Variants in WFDC1 observed in about 807,000 individuals in gnomAD.
The protein encoded by WFDC1 is WAP four-disulfide core domain 1, also known as WAP four-disulfide core domain protein 1.
In WFDC1, 39 loss-of-function variants were observed where a neutral mutation model predicts 32.9. The ratio of observed to expected loss-of-function variants is 1.19; its 90% CI spans 0.92 to 1.55. The LOEUF (loss-of-function observed/expected upper bound fraction) is 1.55, where lower values mean the gene tolerates loss of function less well. Among genes scored for constraint, WFDC1 ranks in the 40% most tolerant of loss-of-function variants. WFDC1 has a pLI of 0.00. For missense variants in WFDC1, 386 were observed against 309.5 expected (o/e 1.25, Z -1.85); for synonymous variants, 184 against 137.4 (o/e 1.34, Z -2.37).
At chr16:84,319,838 GGTTA>G (rs1908202676) in intron 4 of WFDC1, among the ~76,000 whole-genome samples, 2 of 152,298 alleles carry the variant, frequency 1.3e-5, no homozygotes, top group Admixed American at 1.3e-4. Context: ...GCGACACTGG[GGTTA>G]ATTTCTTCCT....
At chr16:84,298,695 C>A (rs552751718) in intron 1 of WFDC1, among the ~76,000 whole-genome samples, 4 of 152,180 alleles carry the variant, frequency 2.6e-5, no homozygotes, top group Admixed American at 2.6e-4. Context: ...CCTCGTCCCC[C>A]GGCAGAGTGA....
At chr16:84,318,643 T>G in intron 3 of WFDC1, 3 of 321,774 alleles carry the variant, frequency 9.3e-6, no homozygotes, top group Non-Finnish European at 1.2e-5. Flanking sequence ...GGTTTTCAAA[T>G]TCCTAGAATT....
At chr16:84,316,002 A>G (rs1181184917) in intron 2 of WFDC1, 1 of 152,298 alleles carries the variant, frequency 6.6e-6, no homozygotes, top group East Asian at 1.9e-4. Context: ...AAGTTTCACT[A>G]CTCCAAACAT....
At chr16:84,307,368 A>T (rs1907324412) in intron 1 of WFDC1, among the ~76,000 whole-genome samples, 1 of 152,190 alleles carries the variant, frequency 6.6e-6, no homozygotes, top group Non-Finnish European at 1.5e-5. Context: ...GTAATCCTTT[A>T]ATCTGGGCCT....
rs928280374 is a variant in WFDC1 at position 84,319,192 on chromosome 16, G to T, written c.422-239G>T. Reference sequence around the variant, plus strand: ...TGCTGAGCCTGTGAGAGTATGTTTGGGATCAGGTGAGCTTGGACTGCCTGT... The same window carrying T: ...TGCTGAGCCTGTGAGAGTATGTTTGTGATCAGGTGAGCTTGGACTGCCTGT... On this transcript the variant is annotated intron_variant, in intron 3 of 6. Transcript: ENST00000219454. 7.3e-6 allele frequency: 4 copies of T among 551,556 alleles called. No individual in the cohort carries two copies. The East Asian group carries it at 1.2e-4, about 17-fold the overall frequency. The allele number at this position is 551,556 out of a possible 1,614,324, so 34.2% of individuals were successfully genotyped here. A position where few individuals can be genotyped will look rare whatever the true frequency, so the allele number is the denominator to read the frequency against.
intron 5 of WFDC1, chr16:84,325,901 T>G (rs1158146127): frequency 6.6e-6 from 1 of 151,682 alleles, no homozygotes; most frequent in Non-Finnish European, 1.5e-5. Context: ...CACATATCCT[T>G]GCATTCATTC....
chr16:84,296,462 G>C (rs990764985), intron 1 of WFDC1, among the ~76,000 whole-genome samples: 2 of 152,180 alleles, frequency 1.3e-5, no homozygotes, highest in Non-Finnish European at 1.5e-5. Context: ...AGGAGAGTCA[G>C]ACAGGGTTTT....
intron 4 of WFDC1, 122 bp from the exon 5 acceptor site, chr16:84,324,297 C>A: frequency 1.2e-6 from 1 of 838,070 alleles, no homozygotes; most frequent in Non-Finnish European, 2.0e-6. Flanking sequence ...CTGAACAATT[C>A]CATTGTACAC....
chr16:84,313,152 A>T lies in WFDC1; in HGVS notation c.336A>T (p.Pro112=). The change falls in exon 2 of 7, where the codon CCA becomes CCT. Residue 112 remains proline, a splice_region_variant and synonymous_variant. Transcript: ENST00000219454. ...GCCTAGAAGCTGTGCCGCCCCCGCC[A>T]GGTAGGTCCTGGGCCCGAGGGAGGG... is the stretch of plus-strand genomic sequence containing the variant. ...YACLEAVPPP[P]VLDWLVQPKP... is the part of the protein sequence containing the mutation. 7.0e-7 allele frequency: 1 copy of T among 1,426,766 alleles called. No homozygotes were observed. Among genetic ancestry groups the T allele is most frequent in the Non-Finnish European group, 9.1e-7 (1 of 1,098,098 alleles). 88.4% of individuals were successfully genotyped at this position (1,426,766 alleles called of 1,614,324 possible).
At chr16:84,301,235 C>G (rs1003620471) in intron 1 of WFDC1, among the ~76,000 whole-genome samples, 1 of 152,212 alleles carries the variant, frequency 6.6e-6, no homozygotes, top group Non-Finnish European at 1.5e-5. Flanking sequence ...GTGAAAGAAT[C>G]CACTTGTGTT....
At chr16:84,305,830 C>G (rs902595961) in intron 1 of WFDC1, among the ~76,000 whole-genome samples, 1 of 151,402 alleles carries the variant, frequency 6.6e-6, no homozygotes, top group African/African-American at 2.4e-5. Flanking sequence ...GGCAAAACCC[C>G]ATCTCTACTA....
chr16:84,324,591 C>A, intron 5 of WFDC1, 131 bp downstream of exon 5: 1 of 1,024,960 alleles, frequency 9.8e-7, no homozygotes, highest in Non-Finnish European at 1.4e-6. Flanking sequence ...GATTAAGAAA[C>A]AAAATAGAAG....
intron 3 of WFDC1, 106 bp downstream of exon 3, chr16:84,318,461 G>C (rs1319042506): frequency 9.5e-7 from 1 of 1,053,000 alleles, no homozygotes; most frequent in Non-Finnish European, 1.4e-6. Flanking sequence ...CCATGCACGG[G>C]CCCTTCAGCC....
intron 4 of WFDC1, among the ~76,000 whole-genome samples, chr16:84,324,009 A>C (rs1451800549): frequency 6.6e-6 from 1 of 152,110 alleles, no homozygotes; most frequent in Non-Finnish European, 1.5e-5. Flanking sequence ...AATCCCAGCT[A>C]CTCGGGAGGC....
chr16:84,304,505 G>A lies in WFDC1; in HGVS notation c.145-8456G>A, dbSNP rs143494411. ...GGCCTCCCAAAGTGCTGGGATTATA[G>A]GTGTGAGCCACCGCGCCCGGCCAGG... On this transcript the variant is annotated intron_variant, in intron 1 of 6. Coordinates refer to ENST00000219454, the MANE Select transcript of WFDC1 (RefSeq NM_021197.4). Among the ~76,000 whole-genome samples the A allele has an allele frequency of 2.8e-3, 430 of 152,084 alleles. 1 individual carries two copies. The highest frequency in any genetic ancestry group is 9.7e-3 in the African/African-American group (404 of 41,474).
chr16:84,318,152 A>C, intron 2 of WFDC1, 120 bp from the exon 3 acceptor site: 1 of 851,344 alleles, frequency 1.2e-6, no homozygotes, highest in South Asian at 1.5e-5. Context: ...CAGGAACCAT[A>C]GTTATTTCTC....
rs955263799 is a variant in WFDC1 at position 84,320,737 on chromosome 16, G to A, written c.562+1166G>A. On this transcript the variant is annotated intron_variant, in intron 4 of 6. Coordinates refer to ENST00000219454, the MANE Select transcript of WFDC1 (RefSeq NM_021197.4). ...AGTCAGACTGAGACCACACCCAGGG[G>A]CCCCTGTCCCCGCTTCGGCATCTCA... Among the ~76,000 whole-genome samples the A allele has an allele frequency of 3.9e-5, 6 of 152,290 alleles. No homozygotes were observed. The East Asian group carries it at 1.2e-3, about 29-fold the overall frequency.
chr16:84,308,962 G>C (rs542433885), intron 1 of WFDC1, among the ~76,000 whole-genome samples: 5 of 152,204 alleles, frequency 3.3e-5, no homozygotes, highest in Admixed American at 1.3e-4. Flanking sequence ...TGCAGACTCA[G>C]GATACCCCAG....
In WFDC1 at chr16:84,295,093, C is replaced by A. The variant is rs531551784; in HGVS notation, c.122C>A (p.Ala41Glu). 15 of 1,613,846 alleles carry A rather than the reference C, an allele frequency of 9.3e-6. No individual in the cohort carries two copies. In the African/African-American group the frequency reaches 1.5e-4, roughly 16 times the overall value. The change falls in exon 1 of 7, where the codon GCG becomes GAG. Residue 41 changes from alanine (A) to glutamate (E), a missense_variant. Transcript: ENST00000219454. ...AKNIWKRALP[A>E]RLAEKSRAEE... ...AATATCTGGAAACGGGCATTGCCTG[C>A]GAGGCTGGCCGAGAAATCCCGTGTA...
Sources: gnomAD v4.1 joint callset for allele counts (sites outside exome capture counted in the v4.1 genomes callset) on GRCh38, gnomAD v4.1.1 for gene constraint, MANE v1.5 for transcripts, NCBI Gene and HGNC (gene_info 2026-07-23, HGNC 2026-07-21) for gene names.